RNF150: variants seen among roughly 807,000 people sequenced by gnomAD.
The protein encoded by RNF150 is ring finger protein 150.
RNF150 carries 24 observed loss-of-function variants against 39.3 expected under a neutral mutation model. That is an observed-to-expected ratio of 0.61 (90% confidence interval 0.44 to 0.86). The LOEUF is 0.86. Among genes scored for constraint, RNF150 ranks in the 40% least tolerant of loss-of-function variants. The pLI, the probability that RNF150 is intolerant of heterozygous loss-of-function variation, is 0.00. For synonymous variants in RNF150, 255 were observed against 227.3 expected (o/e 1.12, Z -1.10); for missense variants, 502 against 587.8 (o/e 0.85, Z 1.51).
intron 5 of RNF150, among the ~76,000 whole-genome samples, chr4:140,921,259 G>A (rs1731128621): frequency 6.6e-6 from 1 of 151,334 alleles, no homozygotes; most frequent in Admixed American, 6.6e-5. Flanking sequence ...GAATCAAATA[G>A]ACACAATAAA....
chr4:141,103,097 T>G (rs944718340), intron 1 of RNF150, among the ~76,000 whole-genome samples: 1 of 152,156 alleles, frequency 6.6e-6, no homozygotes, highest in Admixed American at 6.5e-5. Context: ...CTGTGTAGGC[T>G]CCATCAGTTG....
chr4:140,977,504 C>T (rs944972204), intron 1 of RNF150, among the ~76,000 whole-genome samples: 9 of 152,100 alleles, frequency 5.9e-5, no homozygotes, highest in African/African-American at 2.2e-4. Flanking sequence ...TGATTTGAGC[C>T]TTGATCAAGC....
intron 1 of RNF150, among the ~76,000 whole-genome samples, chr4:141,161,329 C>A (rs1399615055): frequency 6.6e-6 from 1 of 152,160 alleles, no homozygotes; most frequent in Non-Finnish European, 1.5e-5. Flanking sequence ...AGTTTGTAAG[C>A]AGCAAAGTGT....
At chr4:141,003,012 A>G (rs1355985137) in intron 1 of RNF150, among the ~76,000 whole-genome samples, 1 of 152,106 alleles carries the variant, frequency 6.6e-6, no homozygotes, top group Non-Finnish European at 1.5e-5. Context: ...TGCTGAAAGA[A>G]TTAACAAAGA....
intron 1 of RNF150, among the ~76,000 whole-genome samples, chr4:141,175,321 CA>C (rs1223518315): frequency 6.6e-6 from 1 of 152,104 alleles, no homozygotes; most frequent in Non-Finnish European, 1.5e-5. Flanking sequence ...GCAAACATAA[CA>C]AAACCGAAAA....
chr4:140,863,241 G>A lies in RNF150; in HGVS notation c.*5020C>T, dbSNP rs1202856250. ...GAGGAGGGTCAAATGCTGAGGGTGG[G>A]AGAAAGCAGATCTAGACAGCATTCT... On this transcript the variant is annotated 3_prime_UTR_variant, in exon 7 of 7. Transcript: ENST00000515673. The A allele has an allele frequency of 6.6e-6, 1 of 152,170 alleles. No homozygotes were observed. Among genetic ancestry groups the A allele is most frequent in the Non-Finnish European group, 1.5e-5 (1 of 68,042 alleles). The allele number at this position is 152,170 out of a possible 1,614,324, so 9.4% of individuals were successfully genotyped here.
intron 5 of RNF150, among the ~76,000 whole-genome samples, chr4:140,921,832 G>A (rs908513882): frequency 5.9e-5 from 9 of 152,050 alleles, no homozygotes; most frequent in Admixed American, 3.3e-4. Context: ...ATCAATAAAC[G>A]TAATCCAGCA....
chr4:141,182,726 A>G (rs554291115), intron 1 of RNF150, among the ~76,000 whole-genome samples: 12 of 80,600 alleles, frequency 1.5e-4, no homozygotes, highest in Non-Finnish European at 2.5e-5. Context: ...GGGTAGGAAG[A>G]ATCAATATCG....
At chr4:141,040,713 T>C (rs1042485170) in intron 1 of RNF150, among the ~76,000 whole-genome samples, 1 of 152,148 alleles carries the variant, frequency 6.6e-6, no homozygotes, top group East Asian at 1.9e-4. Context: ...ATCAGTGGTT[T>C]CCTACCTATG....
Position 140,909,060 on chromosome 4 carries a change from G to A in RNF150, c.1198+2084C>T, listed in dbSNP as rs113875671. ...TATTTCACTAAGGTCACTTATGGTC[G>A]TATGTGTGACAGTAATCAAAGATGT... On this transcript the variant is annotated intron_variant, in intron 6 of 6. Transcript: ENST00000515673. Among the ~76,000 whole-genome samples, 1,264 of 152,204 alleles carry A rather than the reference G, an allele frequency of 8.3e-3. 11 individuals are homozygous for A. The highest frequency in any genetic ancestry group is 0.017 in the South Asian group (82 of 4,826).
chr4:140,991,917 T>C (rs1392272462), intron 1 of RNF150, among the ~76,000 whole-genome samples: 2 of 152,140 alleles, frequency 1.3e-5, no homozygotes, highest in Non-Finnish European at 2.9e-5. Flanking sequence ...CTTAACAAGG[T>C]CACTCAATAA....
intron 1 of RNF150, among the ~76,000 whole-genome samples, chr4:141,182,127 C>A (rs1304322762): frequency 6.6e-6 from 1 of 150,826 alleles, no homozygotes; most frequent in Non-Finnish European, 1.5e-5. Flanking sequence ...CAAAATTCAA[C>A]AACCCTTCAT....
intron 1 of RNF150, among the ~76,000 whole-genome samples, chr4:141,029,778 T>A (rs1168090318): frequency 3.3e-5 from 5 of 152,166 alleles, no homozygotes; most frequent in African/African-American, 1.2e-4. Flanking sequence ...ATATATTGGA[T>A]AAGGGATTAC....
At chr4:141,046,043 G>A (rs368701887) in intron 1 of RNF150, among the ~76,000 whole-genome samples, 71 of 152,138 alleles carry the variant, frequency 4.7e-4, no homozygotes, top group Middle Eastern at 6.8e-3. Context: ...GAAAAATGAC[G>A]TCATAGGAAA....
At chr4:140,981,316 C>T (rs1733851729) in intron 1 of RNF150, among the ~76,000 whole-genome samples, 1 of 152,082 alleles carries the variant, frequency 6.6e-6, no homozygotes, top group Admixed American at 6.6e-5. Context: ...CAAGTATAAA[C>T]TCAAAATTCA....
intron 2 of RNF150, among the ~76,000 whole-genome samples, chr4:140,951,920 TA>T (rs149431516): frequency 0.026 from 4,020 of 152,012 alleles, 177 homozygotes; most frequent in African/African-American, 0.09. Flanking sequence ...TTCAATCACT[TA>T]AAAAAATTTT....
chr4:141,199,557 C>T (rs1728256465), intron 1 of RNF150, among the ~76,000 whole-genome samples: 1 of 152,196 alleles, frequency 6.6e-6, no homozygotes, highest in African/African-American at 2.4e-5. Context: ...ATGTGGATGA[C>T]TCTCAAATGC....
At chr4:141,172,946 A>C (rs1578779907) in intron 1 of RNF150, among the ~76,000 whole-genome samples, 1 of 152,208 alleles carries the variant, frequency 6.6e-6, no homozygotes, top group East Asian at 1.9e-4. Flanking sequence ...GAATCGCTTG[A>C]ACCCGGGAGG....
In RNF150 at chr4:140,951,000, G is replaced by A. The variant is rs543267399; in HGVS notation, c.736-1628C>T. On this transcript the variant is annotated intron_variant, in intron 2 of 6. Coordinates refer to ENST00000515673, the MANE Select transcript of RNF150 (RefSeq NM_020724.2). ...TAAATACCAGGAAAAACAGGAGAGC[G>A]AGAGAAAAAGAACTGAACTGAGGTG... 5.9e-5 allele frequency among the ~76,000 whole-genome samples: 9 copies of A among 152,192 alleles called. No individual in the cohort carries two copies. The South Asian group carries it at 1.5e-3, about 25-fold the overall frequency.
Sources: gnomAD v4.1 joint callset for allele counts (sites outside exome capture counted in the v4.1 genomes callset) on GRCh38, gnomAD v4.1.1 for gene constraint, MANE v1.5 for transcripts, NCBI Gene and HGNC (gene_info 2026-07-23, HGNC 2026-07-21) for gene names.